Variants in TGFBR3 observed in about 807,000 individuals in gnomAD.
The protein encoded by TGFBR3 is transforming growth factor beta receptor type 3.
TGFBR3 carries 46 observed loss-of-function variants against 87.9 expected under a neutral mutation model. The ratio of observed to expected loss-of-function variants is 0.52; its 90% confidence interval spans 0.41 to 0.67. The LOEUF (loss-of-function observed/expected upper bound fraction) is 0.67, where lower values mean the gene tolerates loss of function less well. Ranked by LOEUF, TGFBR3 falls within the 30% of genes least tolerant of loss-of-function variation. The probability of loss-of-function intolerance (pLI) is 0.00; values close to 1 mark genes in which losing one functional copy is unlikely to be tolerated. For missense variants in TGFBR3, 866 were observed against 1,041.9 expected (o/e 0.83, Z 2.32); for synonymous variants, 381 against 391.6 (o/e 0.97, Z 0.32).
chr1:91,729,438 A>G (rs1430262436), intron 6 of TGFBR3, among the ~76,000 whole-genome samples: 2 of 152,188 alleles, frequency 1.3e-5, no homozygotes, highest in Admixed American at 6.5e-5. Flanking sequence ...TAATTTTCCT[A>G]TCAGGGATAA....
chr1:91,691,312 C>A (rs1018016299), intron 16 of TGFBR3, among the ~76,000 whole-genome samples: 2 of 152,028 alleles, frequency 1.3e-5, no homozygotes, highest in Non-Finnish European at 2.9e-5. Context: ...CAATTAGTGA[C>A]CAGCATAATG....
At chr1:91,900,804 A>C (rs555023321) in intron 1 of TGFBR3, among the ~76,000 whole-genome samples, 2 of 152,314 alleles carry the variant, frequency 1.3e-5, no homozygotes, top group South Asian at 4.1e-4. Context: ...AAAGACTAAA[A>C]CTGTGATTGC....
chr1:91,850,962 C>T (rs751760589), intron 2 of TGFBR3, among the ~76,000 whole-genome samples: 7 of 152,114 alleles, frequency 4.6e-5, no homozygotes, highest in Non-Finnish European at 7.4e-5. Context: ...CGCAGTTACT[C>T]AGGCATATGA....
chr1:91,904,064 A>C (rs533669070), intron 1 of TGFBR3, among the ~76,000 whole-genome samples: 3 of 152,040 alleles, frequency 2.0e-5, no homozygotes, highest in Admixed American at 2.0e-4. Context: ...ATAATCTGTA[A>C]TCCCAGCTAC....
At chr1:91,748,204 G>C (rs537324778) in intron 4 of TGFBR3, among the ~76,000 whole-genome samples, 1 of 152,304 alleles carries the variant, frequency 6.6e-6, no homozygotes, top group Non-Finnish European at 1.5e-5. Flanking sequence ...TGAAGCAAAG[G>C]CAGAGCCCTC....
intron 2 of TGFBR3, among the ~76,000 whole-genome samples, chr1:91,842,565 C>T (rs1677325279): frequency 6.6e-6 from 1 of 152,206 alleles, no homozygotes; most frequent in Admixed American, 6.5e-5. Flanking sequence ...ATCCACCTGG[C>T]TCAGCCAACA....
chr1:91,730,986 G>C (rs1672747722), intron 5 of TGFBR3, among the ~76,000 whole-genome samples: 2 of 152,248 alleles, frequency 1.3e-5, no homozygotes. Context: ...ACACAGCACG[G>C]CGGCTGATGG....
At chr1:91,867,820 G>T (rs1018957028) in intron 1 of TGFBR3, among the ~76,000 whole-genome samples, 5 of 152,080 alleles carry the variant, frequency 3.3e-5, no homozygotes, top group African/African-American at 1.2e-4. Context: ...CCCCTACCAC[G>T]CCCTCATCTG....
At chr1:91,684,300 TG>T (rs1447850400) in intron 16 of TGFBR3, among the ~76,000 whole-genome samples, 3 of 152,218 alleles carry the variant, frequency 2.0e-5, no homozygotes, top group Admixed American at 6.5e-5. Context: ...AAGAGAACCC[TG>T]GAAGTTTGGG....
At chr1:91,748,689 T>A (rs1673430599) in intron 4 of TGFBR3, among the ~76,000 whole-genome samples, 1 of 151,866 alleles carries the variant, frequency 6.6e-6, no homozygotes, top group East Asian at 1.9e-4. Flanking sequence ...GTGTGACTGT[T>A]CCCAATGAGG....
At chr1:91,692,297 G>C (rs1671293655) in intron 16 of TGFBR3, among the ~76,000 whole-genome samples, 1 of 152,174 alleles carries the variant, frequency 6.6e-6, no homozygotes, top group Admixed American at 6.5e-5. Context: ...AGGTTATTTA[G>C]AAGTATGGAT....
intron 3 of TGFBR3, among the ~76,000 whole-genome samples, chr1:91,786,543 G>C (rs1232112030): frequency 6.6e-6 from 1 of 152,172 alleles, no homozygotes; most frequent in Non-Finnish European, 1.5e-5. Context: ...TTGAGGCCAG[G>C]AGTTCAAGAC....
chr1:91,759,275 G>A (rs17880636), intron 3 of TGFBR3, among the ~76,000 whole-genome samples: 2 of 151,802 alleles, frequency 1.3e-5, no homozygotes, highest in African/African-American at 2.4e-5. Flanking sequence ...GCTGCCAAGG[G>A]AGGCTGCCAG....
At chr1:91,735,049 G>A (rs997342716) in intron 4 of TGFBR3, 90 bp from the exon 5 acceptor site, 2 of 1,463,234 alleles carry the variant, frequency 1.4e-6, no homozygotes, top group Non-Finnish European at 1.9e-6. Flanking sequence ...CGAAGTGCTT[G>A]TAAATCGAAC....
At position 91,790,306 on chromosome 1, in the gene TGFBR3, C is replaced by T. The variant is rs148571481; in HGVS notation, c.246+6981G>A. Among the ~76,000 whole-genome samples the T allele has an allele frequency of 2.8e-4, 43 of 152,304 alleles. No homozygotes were observed. The East Asian group carries it at 6.7e-3, about 24-fold the overall frequency. On this transcript the variant is annotated intron_variant, in intron 3 of 16. Coordinates refer to ENST00000212355, the MANE Select transcript of TGFBR3 (RefSeq NM_003243.5). Reference sequence around the variant, plus strand: ...ATTCAGCATAGTAACATGCTGTGCACATTTGTAGCCTAGTAGCCATGGGCT... The same window carrying T: ...ATTCAGCATAGTAACATGCTGTGCATATTTGTAGCCTAGTAGCCATGGGCT...
chr1:91,874,274 C>T (rs551081783), intron 1 of TGFBR3, among the ~76,000 whole-genome samples: 22 of 152,258 alleles, frequency 1.4e-4, no homozygotes, highest in African/African-American at 5.3e-4. Flanking sequence ...TGGGGAAAAA[C>T]ATTCCAAGCA....
intron 3 of TGFBR3, among the ~76,000 whole-genome samples, chr1:91,772,338 C>T (rs1381032977): frequency 2.6e-5 from 4 of 152,048 alleles, no homozygotes; most frequent in Admixed American, 1.3e-4. Flanking sequence ...AATTTTAAAT[C>T]CCATTTTTGT....
At chr1:91,812,773 C>A (rs1440140156) in intron 2 of TGFBR3, among the ~76,000 whole-genome samples, 1 of 152,092 alleles carries the variant, frequency 6.6e-6, no homozygotes, top group Non-Finnish European at 1.5e-5. Flanking sequence ...ACCACCATGC[C>A]CAGCTAATTT....
intron 4 of TGFBR3, among the ~76,000 whole-genome samples, chr1:91,737,448 T>C (rs533776559): frequency 1.3e-5 from 2 of 152,278 alleles, no homozygotes; most frequent in African/African-American, 4.8e-5. Context: ...TCAGAGAGTC[T>C]AATGGCCTAC....
Sources: gnomAD v4.1 joint callset for allele counts (sites outside exome capture counted in the v4.1 genomes callset) on GRCh38, gnomAD v4.1.1 for gene constraint, MANE v1.5 for transcripts, NCBI Gene and HGNC (gene_info 2026-07-23, HGNC 2026-07-21) for gene names.